The following MAN1A2 variants were observed in gnomAD, a reference collection of about 807,000 sequenced individuals.
MAN1A2 encodes mannosidase alpha class 1A member 2, also known as mannosyl-oligosaccharide 1,2-alpha-mannosidase IB.
In MAN1A2, 26 loss-of-function variants were observed where a neutral mutation model predicts 75.7. The ratio of observed to expected loss-of-function variants is 0.34; its 90% confidence interval spans 0.25 to 0.48. The LOEUF is 0.48. Among genes scored for constraint, MAN1A2 ranks in the 20% least tolerant of loss-of-function variants. The pLI is 0.99. For missense variants in MAN1A2, 562 were observed against 775.5 expected, an observed-to-expected ratio of 0.72 and a Z score of 3.27; for synonymous variants, 247 against 264.6, an observed-to-expected ratio of 0.93 and a Z score of 0.65.
chr1:117,385,391 T>A (rs1653491125), intron 1 of MAN1A2, among the ~76,000 whole-genome samples: 1 of 152,230 alleles, frequency 6.6e-6, no homozygotes, highest in Admixed American at 6.5e-5. Context: ...CCTAGATTCC[T>A]GACAGTGCCT....
intron 7 of MAN1A2, among the ~76,000 whole-genome samples, chr1:117,461,505 A>G (rs970322350): frequency 6.6e-6 from 1 of 152,190 alleles, no homozygotes; most frequent in Non-Finnish European, 1.5e-5. Flanking sequence ...TAGAGTGACT[A>G]TAACAATGAT....
chr1:117,504,624 A>G (rs1651294609), intron 12 of MAN1A2, among the ~76,000 whole-genome samples: 1 of 151,286 alleles, frequency 6.6e-6, no homozygotes, highest in Admixed American at 6.6e-5. Context: ...AAATTTCTCC[A>G]ATTGTTCCAA....
chr1:117,501,411 G>A (rs1318406869), intron 11 of MAN1A2, among the ~76,000 whole-genome samples: 2 of 151,742 alleles, frequency 1.3e-5, no homozygotes, highest in African/African-American at 4.8e-5. Context: ...TCTTGGGTGC[G>A]AAGAAAGCAA....
chr1:117,424,623 T>C (rs894065301), intron 5 of MAN1A2, among the ~76,000 whole-genome samples: 2 of 152,174 alleles, frequency 1.3e-5, no homozygotes, highest in African/African-American at 4.8e-5. Flanking sequence ...CTCTAGTCTC[T>C]TTCAGTCCCC....
intron 12 of MAN1A2, among the ~76,000 whole-genome samples, chr1:117,512,121 T>C (rs1259439012): frequency 6.6e-6 from 1 of 152,102 alleles, no homozygotes; most frequent in Non-Finnish European, 1.5e-5. Flanking sequence ...GATCTCAGAA[T>C]TCACTTAGTT....
At chr1:117,444,730 T>TTA (rs1649152770) in intron 6 of MAN1A2, among the ~76,000 whole-genome samples, 1 of 152,016 alleles carries the variant, frequency 6.6e-6, no homozygotes, top group South Asian at 2.1e-4. Context: ...TCTAATTAAT[T>TTA]TATAAAGTGT....
chr1:117,508,438 C>G (rs1462363288), intron 12 of MAN1A2, among the ~76,000 whole-genome samples: 2 of 151,436 alleles, frequency 1.3e-5, no homozygotes, highest in African/African-American at 2.4e-5. Context: ...ATGTCTGTGT[C>G]TCTTGCTTGT....
rs373076182 is a variant in MAN1A2 at position 117,458,524 on chromosome 1, T to TAAAA, written c.951-1965_951-1964insAAAA. 9.5e-4 allele frequency among the ~76,000 whole-genome samples: 68 copies of TAAAA among 71,686 alleles called. 2 individuals carry two copies. Among genetic ancestry groups the TAAAA allele is most frequent in the Non-Finnish European group, 1.6e-3 (58 of 36,058 alleles). The allele number at this position is 71,686 out of a possible 152,430, so 47.0% of individuals were successfully genotyped here. A position where few individuals can be genotyped will look rare whatever the true frequency, so the allele number is the denominator to read the frequency against. ...ATATATATATATAGATATATATATATTTTTTTTTTTTTTTTTGAGACAGAG... is the reference window on the plus strand; with the variant it reads ...ATATATATATATAGATATATATATATAAAATTTTTTTTTTTTTTTTGAGACAGAG... On this transcript the variant is annotated intron_variant, in intron 6 of 12. Coordinates refer to ENST00000356554, the MANE Select transcript of MAN1A2 (RefSeq NM_006699.5).
intron 3 of MAN1A2, 46 bp downstream of exon 3, chr1:117,405,691 CT>C: frequency 9.6e-7 from 1 of 1,044,198 alleles, no homozygotes; most frequent in Non-Finnish European, 1.5e-6. Context: ...CTACCTCCAT[CT>C]TTTAAAACAA....
intron 1 of MAN1A2, among the ~76,000 whole-genome samples, chr1:117,375,709 T>C (rs1653112288): frequency 6.6e-6 from 1 of 152,170 alleles, no homozygotes. Flanking sequence ...ATTCAGATCT[T>C]AGACTCACGT....
chr1:117,485,771 C>G (rs1306105212), intron 8 of MAN1A2, among the ~76,000 whole-genome samples: 1 of 151,948 alleles, frequency 6.6e-6, no homozygotes, highest in East Asian at 1.9e-4. Flanking sequence ...AAAGTTAAAG[C>G]TTTCAATATG....
intron 1 of MAN1A2, among the ~76,000 whole-genome samples, chr1:117,383,593 T>G (rs887189990): frequency 1.2e-4 from 19 of 152,214 alleles, no homozygotes; most frequent in Admixed American, 2.0e-4. Context: ...TCTGGGCTTT[T>G]CTATTTTGGG....
At chr1:117,464,356 C>CAAA (rs55923337) in intron 7 of MAN1A2, among the ~76,000 whole-genome samples, 3 of 132,018 alleles carry the variant, frequency 2.3e-5, no homozygotes, top group Admixed American at 7.5e-5. Context: ...AAGACTCTGT[C>CAAA]AAAAAAAAAA....
rs1475921612 is a variant in MAN1A2, at chr1:117,468,914, T to G, written c.1168+2487T>G. Among the ~76,000 whole-genome samples, 3 of 152,192 alleles carry G rather than the reference T, an allele frequency of 2.0e-5. No individual in the cohort carries two copies. In the East Asian group the frequency reaches 5.8e-4, roughly 29 times the overall value. ...TTCATTTACTGTTACTATCCAGATTTGATTATGAACATCTATTACTTTTGA... is the reference window on the plus strand; with the variant it reads ...TTCATTTACTGTTACTATCCAGATTGGATTATGAACATCTATTACTTTTGA... On this transcript the variant is annotated intron_variant, in intron 8 of 12. Coordinates refer to ENST00000356554, the MANE Select transcript of MAN1A2 (RefSeq NM_006699.5).
chr1:117,514,885 G>A (rs1312412389), intron 12 of MAN1A2: 7 of 532,878 alleles, frequency 1.3e-5, no homozygotes, highest in South Asian at 9.8e-5. Context: ...TTTTCCAGCT[G>A]GATGAAAAGA....
chr1:117,494,481 G>C (rs1045798841), intron 9 of MAN1A2: 7 of 151,764 alleles, frequency 4.6e-5, no homozygotes, highest in Non-Finnish European at 1.0e-4. Flanking sequence ...TGTTTGGTTT[G>C]TTTTTTTCAT....
chr1:117,403,514 G>C (rs1284786643), intron 2 of MAN1A2, among the ~76,000 whole-genome samples: 2 of 152,148 alleles, frequency 1.3e-5, no homozygotes, highest in Admixed American at 6.5e-5. Flanking sequence ...AATTCAGATA[G>C]ATAACCATGT....
At chr1:117,441,851 C>T (rs976689721) in intron 5 of MAN1A2, among the ~76,000 whole-genome samples, 1 of 152,112 alleles carries the variant, frequency 6.6e-6, no homozygotes, top group Non-Finnish European at 1.5e-5. Flanking sequence ...AATTTAAGGG[C>T]ATTTATGCAA....
intron 5 of MAN1A2, among the ~76,000 whole-genome samples, chr1:117,427,417 GTAGA>G: frequency 6.6e-6 from 1 of 152,270 alleles, no homozygotes; most frequent in Admixed American, 6.5e-5. Context: ...CAGTGAACTT[GTAGA>G]TAGATCAATG....
Sources: allele counts gnomAD v4.1 joint callset (sites outside exome capture counted in the v4.1 genomes callset), GRCh38; gene constraint gnomAD v4.1.1; transcripts MANE v1.5; gene names NCBI Gene and HGNC (gene_info 2026-07-23, HGNC 2026-07-21).